The following OR8K3 variants were observed in gnomAD, a reference collection of about 807,000 sequenced individuals.
OR8K3 encodes olfactory receptor 8K3.
For synonymous variants in OR8K3, 167 were observed against 138.8 expected, an observed-to-expected ratio of 1.20 and a Z score of -1.43; for missense variants, 448 against 367.4, an observed-to-expected ratio of 1.22 and a Z score of -1.79.
In OR8K3 at chr11:56,319,828, A is replaced by T. The variant is rs1215437672; in HGVS notation, c.*583A>T. ...ATTAGGATCCTACTATTTCCTTATC[A>T]ATGTTTTTATTTCCACATAGAAGTC... On this transcript the variant is annotated 3_prime_UTR_variant, in exon 3 of 3. Transcript: ENST00000641662. 6.6e-6 allele frequency: 1 copy of T among 152,386 alleles called. No homozygotes were observed. The highest frequency in any genetic ancestry group is 1.5e-5 in the Non-Finnish European group (1 of 68,220). The allele number at this position is 152,386 out of a possible 1,614,324, so 9.4% of individuals were successfully genotyped here. A position where few individuals can be genotyped will look rare whatever the true frequency, so the allele number is the denominator to read the frequency against.
intron 2 of OR8K3, among the ~76,000 whole-genome samples, chr11:56,316,267 T>TA (rs1276288078): frequency 6.6e-6 from 1 of 152,034 alleles, no homozygotes; most frequent in Admixed American, 6.6e-5. Context: ...TAATTTTATT[T>TA]AAAAAATTAA....
In OR8K3 at chr11:56,319,120, G is replaced by A; in HGVS notation, c.814G>A (p.Val272Met). 2 of 1,613,934 alleles carry A rather than the reference G, an allele frequency of 1.2e-6. No homozygotes were observed. Among genetic ancestry groups the A allele is most frequent in the South Asian group, 2.2e-5 (2 of 91,082 alleles). Residue 272 changes from valine (V) to methionine (M), a missense_variant, in exon 3 of 3, where the codon GTG becomes ATG. Val to Met is a conservative substitution (Grantham distance 21). Coordinates refer to ENST00000641662, the MANE Select transcript of OR8K3 (RefSeq NM_001005202.2). ...CAGTCATTCCTTTGACACTGATAAAGTGGCTTCCATATTTTACACCCTGGT... is the reference window on the plus strand; with the variant it reads ...CAGTCATTCCTTTGACACTGATAAAATGGCTTCCATATTTTACACCCTGGT... Reference protein sequence around the residue: ...KSSHSFDTDKVASIFYTLVIP... With the variant: ...KSSHSFDTDKMASIFYTLVIP...
intron 2 of OR8K3, 103 bp from the exon 3 acceptor site, chr11:56,318,181 C>A: frequency 1.7e-6 from 1 of 587,032 alleles, no homozygotes; most frequent in East Asian, 2.7e-5. Flanking sequence ...TCAAATGTCG[C>A]AAATTGTGAA....
At chr11:56,316,947 A>G (rs115050451) in intron 2 of OR8K3, among the ~76,000 whole-genome samples, 1,766 of 152,114 alleles carry the variant, frequency 0.012, 34 homozygotes, top group African/African-American at 0.04. Flanking sequence ...AAAATAATTT[A>G]TTTAAAATGT....
At chr11:56,317,736 G>T (rs147498924) in intron 2 of OR8K3, among the ~76,000 whole-genome samples, 103 of 151,814 alleles carry the variant, frequency 6.8e-4, no homozygotes, top group African/African-American at 2.4e-3. Context: ...AGATATCCAC[G>T]GTATTAACAA....
At position 56,318,337 on chromosome 11, in the gene OR8K3, G is replaced by A. The variant is rs139460131; in HGVS notation, c.31G>A (p.Glu11Lys). The change falls in exon 3 of 3, where the codon GAA (glutamate) becomes AAA (lysine). Residue 11 changes from glutamate (E) to lysine (K), a missense_variant. Transcript: ENST00000641662. MEQHNLTTVN[E>K]FILTGITDIA... ...ACAACACAATCTAACAACGGTGAAT[G>A]AATTCATTCTTACGGGAATCACAGA... The A allele has an allele frequency of 2.8e-4, 446 of 1,613,684 alleles. No homozygotes were observed. The highest frequency in any genetic ancestry group is 3.7e-4 in the Non-Finnish European group (433 of 1,179,654).
At chr11:56,317,744 CAAT>C (rs1250526801) in intron 2 of OR8K3, among the ~76,000 whole-genome samples, 4 of 152,004 alleles carry the variant, frequency 2.6e-5, no homozygotes, top group African/African-American at 4.8e-5. Flanking sequence ...ACGGTATTAA[CAAT>C]GTTTTTAACT....
chr11:56,319,533 T>C lies in OR8K3; in HGVS notation c.*288T>C, dbSNP rs755768636. On this transcript the variant is annotated 3_prime_UTR_variant, in exon 3 of 3. Transcript: ENST00000641662. ...AAAAGGGAGACAAGGAAAGCTAGTA[T>C]GCTGGGTGGCAGTAGGAAACAGTGG... is the stretch of plus-strand genomic sequence containing the variant. 4 of 301,966 alleles carry C rather than the reference T, an allele frequency of 1.3e-5. No individual in the cohort carries two copies. Among genetic ancestry groups the C allele is most frequent in the East Asian group, 6.1e-5 (1 of 16,466 alleles). The allele number at this position is 301,966 out of a possible 1,614,324, so 18.7% of individuals were successfully genotyped here.
intron 2 of OR8K3, among the ~76,000 whole-genome samples, chr11:56,316,348 A>G (rs926970754): frequency 1.3e-5 from 2 of 151,678 alleles, no homozygotes; most frequent in Non-Finnish European, 2.9e-5. Flanking sequence ...TTCATAGCTC[A>G]CTCTGAGATT....
chr11:56,318,239 GT>G (rs1165311951), intron 2 of OR8K3, 44 bp from the exon 3 acceptor site: 11 of 1,124,388 alleles, frequency 9.8e-6, no homozygotes, highest in Admixed American at 2.2e-5. Context: ...AATTTCTCAG[GT>G]GATGATAGAG....
intron 2 of OR8K3, among the ~76,000 whole-genome samples, chr11:56,317,803 CTCTT>C (rs970592172): frequency 6.6e-6 from 1 of 151,916 alleles, no homozygotes; most frequent in Admixed American, 6.6e-5. Context: ...ATATCTGTAT[CTCTT>C]TCTCTCTCTC....
rs1565108622 is a variant in OR8K3 at position 56,318,884 on chromosome 11, A to G, written c.578A>G (p.His193Arg). The change falls in exon 3 of 3, where the codon CAT becomes CGT. Residue 193 changes from histidine (H) to arginine (R), a missense_variant. Coordinates refer to ENST00000641662, the MANE Select transcript of OR8K3 (RefSeq NM_001005202.2). ...TTACCTTTGCTTTGTTCAAATACAC[A>G]TGAAATTGAATTGATAATTCTGATC... is the stretch of plus-strand genomic sequence containing the variant. The part of the protein sequence containing the change: ...PLLPLLCSNT[H>R]EIELIILIFA... 6.2e-7 allele frequency: 1 copy of G among 1,613,738 alleles called. No individual in the cohort carries two copies. The highest frequency in any genetic ancestry group is 8.5e-7 in the Non-Finnish European group (1 of 1,179,624).
intron 1 of OR8K3, among the ~76,000 whole-genome samples, 182 bp downstream of exon 1, chr11:56,315,349 G>A (rs570000484): frequency 1.3e-5 from 2 of 152,012 alleles, no homozygotes; most frequent in South Asian, 2.1e-4. Flanking sequence ...CAGAAATAAC[G>A]GTGCTCCATT....
intron 1 of OR8K3, 81 bp downstream of exon 1, chr11:56,315,248 C>T (rs532097292): frequency 2.2e-4 from 33 of 151,880 alleles, no homozygotes; most frequent in Admixed American, 1.3e-4. Flanking sequence ...CATTGGAAAA[C>T]TGCCACTTTA....
At chr11:56,316,200 T>C (rs949474495) in intron 2 of OR8K3, 143 bp downstream of exon 2, 2 of 151,964 alleles carry the variant, frequency 1.3e-5, no homozygotes, top group African/African-American at 4.8e-5. Flanking sequence ...CACATTACCA[T>C]ATATCTAATA....
At chr11:56,317,619 A>G (rs981415401) in intron 2 of OR8K3, among the ~76,000 whole-genome samples, 7 of 152,104 alleles carry the variant, frequency 4.6e-5, no homozygotes, top group African/African-American at 1.2e-4. Flanking sequence ...CATTTTTGGA[A>G]TCTGTGACAG....
chr11:56,320,177 A>T lies in OR8K3; in HGVS notation c.*932A>T, dbSNP rs1854506797. ...TTTGTAGTCTCTCACTGAGTTGACA[A>T]TCCATAATTTTTATCAATATGCACT... On this transcript the variant is annotated 3_prime_UTR_variant, in exon 3 of 3. Transcript: ENST00000641662. 6.6e-6 allele frequency: 1 copy of T among 152,230 alleles called. No homozygotes were observed. Among genetic ancestry groups the T allele is most frequent in the Admixed American group, 6.5e-5 (1 of 15,290 alleles). 9.4% of individuals were successfully genotyped at this position (152,230 alleles called of 1,614,324 possible).
chr11:56,318,654 A>G lies in OR8K3; in HGVS notation c.348A>G (p.Ser116=). ...VFIGSELFIL[S]AMSYDLYVAI... The stretch of plus-strand genomic sequence containing the variant: ...TTGGTAGTGAACTTTTTATTCTCTC[A>G]GCCATGTCCTACGACCTCTATGTGG... Residue 116 remains serine (S), a synonymous_variant, in exon 3 of 3, where the codon TCA becomes TCG. Transcript: ENST00000641662. The G allele has an allele frequency of 6.2e-7, 1 of 1,613,594 alleles. No homozygotes were observed. The highest frequency in any genetic ancestry group is 2.2e-5 in the East Asian group (1 of 44,894).
At position 56,320,111 on chromosome 11, in the gene OR8K3, T is replaced by G. The variant is rs565327813; in HGVS notation, c.*866T>G. The G allele has an allele frequency of 1.3e-5, 2 of 152,356 alleles. No individual in the cohort carries two copies. Among genetic ancestry groups the G allele is most frequent in the South Asian group, 4.1e-4 (2 of 4,828 alleles). 9.4% of individuals were successfully genotyped at this position (152,356 alleles called of 1,614,324 possible). On this transcript the variant is annotated 3_prime_UTR_variant, in exon 3 of 3. Transcript: ENST00000641662. ...GTTAAAATTTGTGTTCCAGTTGTTT[T>G]TACATCTTTGAGGAGGGGGACCATT...
Sources: gnomAD v4.1 joint callset for allele counts (sites outside exome capture counted in the v4.1 genomes callset) on GRCh38, gnomAD v4.1.1 for gene constraint, MANE v1.5 for transcripts, NCBI Gene and HGNC (gene_info 2026-07-23, HGNC 2026-07-21) for gene names.